Variants in SDCCAG8 observed in about 807,000 individuals in gnomAD.
SDCCAG8 encodes the protein serologically defined colon cancer antigen 8.
Under a neutral mutation model 101.8 loss-of-function variants are expected in SDCCAG8, and 74 were observed. That is an observed-to-expected ratio of 0.73 (90% CI 0.60 to 0.88). The LOEUF (loss-of-function observed/expected upper bound fraction) is 0.88. Ranked by LOEUF, SDCCAG8 falls within the 40% of genes least tolerant of loss-of-function variation. SDCCAG8 has a pLI of 0.00. For synonymous variants in SDCCAG8, 281 were observed against 292.9 expected (o/e 0.96, Z 0.41); for missense variants, 787 against 822.6 (o/e 0.96, Z 0.53).
intron 12 of SDCCAG8, among the ~76,000 whole-genome samples, chr1:243,359,637 A>G (rs532272429): frequency 6.6e-6 from 1 of 152,190 alleles, no homozygotes; most frequent in African/African-American, 2.4e-5. Context: ...CTGAAATGAC[A>G]TGCCAGAAGT....
intron 16 of SDCCAG8, among the ~76,000 whole-genome samples, chr1:243,465,967 C>T (rs1261087451): frequency 6.6e-6 from 1 of 152,188 alleles, no homozygotes; most frequent in Non-Finnish European, 1.5e-5. Flanking sequence ...TTTCCATAGC[C>T]TATTCTAGGG....
chr1:243,424,073 G>A (rs2081188219), intron 15 of SDCCAG8, among the ~76,000 whole-genome samples: 2 of 152,036 alleles, frequency 1.3e-5, no homozygotes, highest in African/African-American at 2.4e-5. Context: ...TGTTTCTTCT[G>A]TAGATATTTT....
intron 16 of SDCCAG8, among the ~76,000 whole-genome samples, chr1:243,427,580 A>G (rs1010092735): frequency 3.9e-5 from 6 of 152,036 alleles, no homozygotes; most frequent in African/African-American, 1.5e-4. Flanking sequence ...CCAGCCATCC[A>G]TGCCTTCTCT....
At chr1:243,263,329 G>C (rs1429549562) in intron 1 of SDCCAG8, among the ~76,000 whole-genome samples, 1 of 152,190 alleles carries the variant, frequency 6.6e-6, no homozygotes. Context: ...CCTTCCAAAA[G>C]AGAATTATCA....
intron 16 of SDCCAG8, among the ~76,000 whole-genome samples, chr1:243,444,286 G>A (rs967297286): frequency 1.3e-5 from 2 of 151,962 alleles, no homozygotes; most frequent in African/African-American, 4.8e-5. Context: ...TGCTAGTAAA[G>A]GAATTCAAGT....
At chr1:243,345,833 C>T (rs531424365) in intron 12 of SDCCAG8, among the ~76,000 whole-genome samples, 2 of 152,196 alleles carry the variant, frequency 1.3e-5, no homozygotes, top group East Asian at 1.9e-4. Context: ...TTAATTAATC[C>T]GTGATGGTAT....
At chr1:243,449,729 T>G (rs995665739) in intron 16 of SDCCAG8, among the ~76,000 whole-genome samples, 3 of 152,298 alleles carry the variant, frequency 2.0e-5, no homozygotes, top group South Asian at 2.1e-4. Context: ...GCCTCTGTGT[T>G]CACTAGCAGG....
At chr1:243,438,507 T>A (rs1295815456) in intron 16 of SDCCAG8, among the ~76,000 whole-genome samples, 2 of 150,108 alleles carry the variant, frequency 1.3e-5, no homozygotes, top group Non-Finnish European at 1.5e-5. Flanking sequence ...ATTGTTAGAG[T>A]GGGAGTGATT....
chr1:243,484,842 G>C (rs1402593383), intron 16 of SDCCAG8, among the ~76,000 whole-genome samples: 1 of 152,118 alleles, frequency 6.6e-6, no homozygotes, highest in Non-Finnish European at 1.5e-5. Flanking sequence ...TCAGGAGTTA[G>C]AGACCAGCCT....
Position 243,385,232 on chromosome 1 carries a change from A to G in SDCCAG8, c.1616+6369A>G, listed in dbSNP as rs113602258. ...TGGCGAAACCCCATCTCCACAAAAA[A>G]TACAAACATTAGCTGGGCATGGTGG... On this transcript the variant is annotated intron_variant, in intron 13 of 17. Transcript: ENST00000366541. Among the ~76,000 whole-genome samples the G allele has an allele frequency of 4.6e-5, 7 of 152,148 alleles. 1 individual carries two copies. Among genetic ancestry groups the G allele is most frequent in the South Asian group, 2.1e-4 (1 of 4,806 alleles).
chr1:243,452,609 T>A (rs918443281), intron 16 of SDCCAG8, among the ~76,000 whole-genome samples: 6 of 151,684 alleles, frequency 4.0e-5, no homozygotes, highest in Non-Finnish European at 7.4e-5. Flanking sequence ...GTATATATTT[T>A]AGAAATGGGG....
intron 15 of SDCCAG8, among the ~76,000 whole-genome samples, chr1:243,426,033 G>T (rs1301731216): frequency 6.6e-6 from 1 of 152,162 alleles, no homozygotes; most frequent in African/African-American, 2.4e-5. Flanking sequence ...CATTAAACTG[G>T]TTATGTTAAT....
chr1:243,479,450 G>C (rs1276967279), intron 16 of SDCCAG8, among the ~76,000 whole-genome samples: 1 of 152,236 alleles, frequency 6.6e-6, no homozygotes, highest in Non-Finnish European at 1.5e-5. Flanking sequence ...AAACGTGAAT[G>C]AATGGGCATG....
chr1:243,495,999 G>A (rs903819508), intron 17 of SDCCAG8, among the ~76,000 whole-genome samples: 2 of 152,224 alleles, frequency 1.3e-5, no homozygotes, highest in East Asian at 3.9e-4. Flanking sequence ...CTTGATTTCT[G>A]GCAGAGAAAA....
intron 12 of SDCCAG8, among the ~76,000 whole-genome samples, chr1:243,377,963 G>T (rs2147902518): frequency 6.7e-6 from 1 of 149,818 alleles, no homozygotes; most frequent in South Asian, 2.1e-4. Flanking sequence ...TTAAAATTAT[G>T]GCCTATATAA....
At position 243,293,158 on chromosome 1, in the gene SDCCAG8, C is replaced by T; in HGVS notation, c.614C>T (p.Pro205Leu). 2 of 1,614,130 alleles carry T rather than the reference C, an allele frequency of 1.2e-6. No homozygotes were observed. The highest frequency in any genetic ancestry group is 1.7e-6 in the Non-Finnish European group (2 of 1,180,002). The change falls in exon 6 of 18, where the codon CCA (proline) becomes CTA (leucine). Residue 205 changes from proline to leucine, a missense_variant. Physicochemically the swap from Pro to Leu is moderately conservative, Grantham distance 98. Coordinates refer to ENST00000366541, the MANE Select transcript of SDCCAG8 (RefSeq NM_006642.5). Reference protein sequence around the residue: ...DSGVGETSKRPFSHDNADFGK... With the variant: ...DSGVGETSKRLFSHDNADFGK... ...GGGGTGGGCGAAACCTCCAAAAGACCATTTTCCCATGACAATGCAGATTTT... is the reference window on the plus strand; with the variant it reads ...GGGGTGGGCGAAACCTCCAAAAGACTATTTTCCCATGACAATGCAGATTTT...
intron 10 of SDCCAG8, among the ~76,000 whole-genome samples, 196 bp from the exon 11 acceptor site, chr1:243,340,843 G>A (rs542748239): frequency 2.4e-4 from 37 of 152,316 alleles, no homozygotes; most frequent in African/African-American, 8.4e-4. Flanking sequence ...TCAGGGGAAT[G>A]AATAGGAGAG....
At chr1:243,342,232 G>A (rs1389685388) in intron 11 of SDCCAG8, among the ~76,000 whole-genome samples, 3 of 152,192 alleles carry the variant, frequency 2.0e-5, no homozygotes, top group Non-Finnish European at 2.9e-5. Flanking sequence ...GTTTTCAGTT[G>A]ATAATAGAGA....
intron 12 of SDCCAG8, among the ~76,000 whole-genome samples, chr1:243,369,410 C>T (rs1366293759): frequency 6.6e-6 from 1 of 152,128 alleles, no homozygotes. Flanking sequence ...ATGCTCACTC[C>T]AAGGCATTCA....
Sources: allele counts gnomAD v4.1 joint callset (sites outside exome capture counted in the v4.1 genomes callset), GRCh38; gene constraint gnomAD v4.1.1; transcripts MANE v1.5; gene names NCBI Gene and HGNC (gene_info 2026-07-23, HGNC 2026-07-21).